HIGD1C: variants seen among roughly 807,000 people sequenced by gnomAD.
The protein encoded by HIGD1C is HIG1 domain family member 1C.
Under a neutral mutation model 13.1 loss-of-function variants are expected in HIGD1C, and 11 were observed. That is an observed-to-expected ratio of 0.84 (90% CI 0.53 to 1.39). The LOEUF (loss-of-function observed/expected upper bound fraction) is 1.39, where lower values mean the gene tolerates loss of function less well. HIGD1C is among the 40% of genes most tolerant of loss of function. The pLI is 0.00. For missense variants in HIGD1C, 110 were observed against 112.0 expected, an observed-to-expected ratio of 0.98 and a Z score of 0.08; for synonymous variants, 36 against 37.7, an observed-to-expected ratio of 0.95 and a Z score of 0.17.
At chr12:50,945,035 A>T in the HIGD1C span, among the ~76,000 whole-genome samples, 1 of 152,186 alleles carries the variant, frequency 6.6e-6, no homozygotes, top group Non-Finnish European at 1.5e-5. Context: ...AAAATTCAAC[A>T]GCCCATCATG....
chr12:50,940,466 C>T, the HIGD1C span, among the ~76,000 whole-genome samples: 4 of 152,192 alleles, frequency 2.6e-5, no homozygotes, highest in African/African-American at 4.8e-5. Flanking sequence ...ACCTGAAAAC[C>T]CAGCAGTATG....
upstream of HIGD1C, among the ~76,000 whole-genome samples, chr12:50,952,674 G>C (rs1357627586): frequency 2.6e-5 from 4 of 152,106 alleles, no homozygotes; most frequent in Non-Finnish European, 5.9e-5. Flanking sequence ...TGTGCAGCTC[G>C]AGGCTTTGCA....
chr12:50,939,131 T>C, the HIGD1C span, among the ~76,000 whole-genome samples: 1 of 152,154 alleles, frequency 6.6e-6, no homozygotes, highest in Non-Finnish European at 1.5e-5. Context: ...ATGAGGACAA[T>C]CTTTCTTAAC....
chr12:50,941,579 T>C, the HIGD1C span, among the ~76,000 whole-genome samples: 4 of 152,132 alleles, frequency 2.6e-5, no homozygotes, highest in Non-Finnish European at 5.9e-5. Flanking sequence ...TGATGAAAGG[T>C]ATAGGTCCTC....
chr12:50,963,058 G>A (rs535540018), intron 2 of HIGD1C, among the ~76,000 whole-genome samples: 45 of 152,050 alleles, frequency 3.0e-4, no homozygotes, highest in African/African-American at 8.0e-4. Flanking sequence ...GAAGTGAGCC[G>A]GGAAAGGAAT....
chr12:50,935,839 C>A, the HIGD1C span, among the ~76,000 whole-genome samples: 42 of 152,258 alleles, frequency 2.8e-4, no homozygotes, highest in African/African-American at 1.0e-3. Context: ...TTACTTGAGG[C>A]TGCATGTTTC....
At chr12:50,938,898 A>G in the HIGD1C span, among the ~76,000 whole-genome samples, 1 of 152,194 alleles carries the variant, frequency 6.6e-6, no homozygotes, top group Non-Finnish European at 1.5e-5. Flanking sequence ...TTTGCAACTG[A>G]CTCAATCTTC....
the HIGD1C span, among the ~76,000 whole-genome samples, chr12:50,946,897 T>C: frequency 6.6e-6 from 1 of 152,036 alleles, no homozygotes; most frequent in African/African-American, 2.4e-5. Context: ...ACCATAGAAC[T>C]TAAAGTATAA....
At chr12:50,971,253 T>C (rs1214432533), downstream of HIGD1C, among the ~76,000 whole-genome samples, 2 of 149,828 alleles carry the variant, frequency 1.3e-5, no homozygotes, top group Non-Finnish European at 2.9e-5. Context: ...GGCAAAGTAA[T>C]TACGGTTTCA....
chr12:50,968,437 C>T lies in HIGD1C; in HGVS notation c.230-2005C>T, dbSNP rs561960491. The stretch of plus-strand genomic sequence containing the variant: ...GGGTCTTGCTCTGTCATCCGGCTGG[C>T]GTGCAGTGGCGTGATCACGGTTCAC... On this transcript the variant is annotated intron_variant, in intron 2 of 2. Coordinates refer to ENST00000398455, the Ensembl canonical transcript of HIGD1C. 9.9e-5 allele frequency among the ~76,000 whole-genome samples: 15 copies of T among 152,002 alleles called. No individual in the cohort carries two copies. In the South Asian group the frequency reaches 2.7e-3, roughly 27 times the overall value.
At chr12:50,942,591 G>A in the HIGD1C span, among the ~76,000 whole-genome samples, 8 of 152,190 alleles carry the variant, frequency 5.3e-5, no homozygotes, top group Admixed American at 5.2e-4. Flanking sequence ...GCTTGGCTGG[G>A]TGTAGTGGCT....
At chr12:50,936,224 C>G in the HIGD1C span, among the ~76,000 whole-genome samples, 1 of 151,248 alleles carries the variant, frequency 6.6e-6, no homozygotes, top group Non-Finnish European at 1.5e-5. Flanking sequence ...TCCTTTTATT[C>G]CATGTCCCAA....
At chr12:50,971,514 A>C (rs1251246133), downstream of HIGD1C, among the ~76,000 whole-genome samples, 1 of 152,208 alleles carries the variant, frequency 6.6e-6, no homozygotes, top group Non-Finnish European at 1.5e-5. Context: ...CAGAAGTGCT[A>C]ATGCTAATGT....
At chr12:50,957,599 T>C (rs1939146702) in intron 1 of HIGD1C, among the ~76,000 whole-genome samples, 1 of 151,096 alleles carries the variant, frequency 6.6e-6, no homozygotes. Context: ...AAAAACATAA[T>C]ACCAACCAGG....
upstream of HIGD1C, among the ~76,000 whole-genome samples, chr12:50,950,859 T>C (rs186396838): frequency 5.7e-3 from 861 of 151,916 alleles, 9 homozygotes; most frequent in Non-Finnish European, 6.6e-3. Context: ...TTTGTATTTT[T>C]AGTAGAGATG....
At chr12:50,971,195 C>A (rs1376078666), downstream of HIGD1C, among the ~76,000 whole-genome samples, 2 of 152,070 alleles carry the variant, frequency 1.3e-5, no homozygotes, top group African/African-American at 4.8e-5. Context: ...CTTTTTATAT[C>A]CATGTTAAAT....
chr12:50,968,431 G>A (rs942432219), intron 2 of HIGD1C, among the ~76,000 whole-genome samples: 5 of 151,760 alleles, frequency 3.3e-5, no homozygotes, highest in African/African-American at 7.3e-5. Context: ...TCTGTCATCC[G>A]GCTGGCGTGC....
At chr12:50,951,938 GA>G (rs78915543), upstream of HIGD1C, among the ~76,000 whole-genome samples, 1 of 121,830 alleles carries the variant, frequency 8.2e-6, no homozygotes. Context: ...AAAAAAAAAA[GA>G]AAAAAAAATC....
At chr12:50,956,379 G>A (rs987183094) in intron 1 of HIGD1C, among the ~76,000 whole-genome samples, 7 of 152,128 alleles carry the variant, frequency 4.6e-5, no homozygotes, top group South Asian at 2.1e-4. Context: ...GCAACAGAGC[G>A]AGACTCCATC....
Sources: gnomAD v4.1 joint callset for allele counts (sites outside exome capture counted in the v4.1 genomes callset) on GRCh38, gnomAD v4.1.1 for gene constraint, MANE v1.5 for transcripts, NCBI Gene and HGNC (gene_info 2026-07-23, HGNC 2026-07-21) for gene names.